The following GRIK3 variants were observed in gnomAD, a reference collection of about 807,000 sequenced individuals.
GRIK3 encodes glutamate ionotropic receptor kainate type subunit 3, also known as glutamate receptor ionotropic, kainate 3.
GRIK3 carries 29 observed loss-of-function variants against 102.5 expected under a neutral mutation model. The observed-to-expected ratio is 0.28, with a 90% CI of 0.21 to 0.39. GRIK3 has a LOEUF of 0.39. GRIK3 is among the 10% of genes least tolerant of loss of function. The probability of loss-of-function intolerance (pLI) is 1.00; values close to 1 mark genes in which losing one functional copy is unlikely to be tolerated. For missense variants in GRIK3, 908 were observed against 1,252.4 expected (o/e 0.73, Z 4.15); for synonymous variants, 511 against 504.9 (o/e 1.01, Z -0.16).
At chr1:37,012,148 G>A (rs974782086) in intron 1 of GRIK3, among the ~76,000 whole-genome samples, 2 of 152,236 alleles carry the variant, frequency 1.3e-5, no homozygotes, top group African/African-American at 4.8e-5. Context: ...TCCTTCCTTT[G>A]TGTGGGAACG....
chr1:36,804,387 T>C (rs1642475325), intron 15 of GRIK3, among the ~76,000 whole-genome samples: 1 of 152,152 alleles, frequency 6.6e-6, no homozygotes, highest in Non-Finnish European at 1.5e-5. Flanking sequence ...TCCAGGGCAT[T>C]AGCACTTGAA....
chr1:36,914,982 T>C (rs1641383105), intron 1 of GRIK3, among the ~76,000 whole-genome samples: 1 of 152,204 alleles, frequency 6.6e-6, no homozygotes, highest in Admixed American at 6.5e-5. Context: ...GATTCTGACT[T>C]AATTATTATC....
At chr1:36,917,246 G>T (rs1641411755) in intron 1 of GRIK3, among the ~76,000 whole-genome samples, 1 of 152,156 alleles carries the variant, frequency 6.6e-6, no homozygotes, top group African/African-American at 2.4e-5. Flanking sequence ...TGCCTGTAAT[G>T]CCATTTTATC....
At chr1:36,990,787 T>C (rs537020300) in intron 1 of GRIK3, among the ~76,000 whole-genome samples, 1 of 152,134 alleles carries the variant, frequency 6.6e-6, no homozygotes, top group East Asian at 1.9e-4. Context: ...CCCTGGGAGT[T>C]GGTGGCCAGA....
chr1:37,002,752 C>T (rs757055858), intron 1 of GRIK3, among the ~76,000 whole-genome samples: 1 of 149,556 alleles, frequency 6.7e-6, no homozygotes, highest in Non-Finnish European at 1.5e-5. Context: ...AATCTTGGCT[C>T]ACTGCAACCT....
At chr1:36,973,253 G>T (rs939662150) in intron 1 of GRIK3, among the ~76,000 whole-genome samples, 1 of 152,140 alleles carries the variant, frequency 6.6e-6, no homozygotes, top group South Asian at 2.1e-4. Context: ...CCTCCTCCCT[G>T]CGTTGGCGGC....
chr1:36,988,562 A>T (rs1642330546), intron 1 of GRIK3, among the ~76,000 whole-genome samples: 1 of 152,276 alleles, frequency 6.6e-6, no homozygotes. Flanking sequence ...ATGTGCCCAG[A>T]GTTCCTGTAA....
rs1642441067 is a variant in GRIK3 at position 36,801,655 on chromosome 1, G to A, written c.*196C>T. 2.1e-6 allele frequency: 1 copy of A among 482,308 alleles called. No homozygotes were observed. Among genetic ancestry groups the A allele is most frequent in the Admixed American group, 3.8e-5 (1 of 26,232 alleles). 29.9% of individuals were successfully genotyped at this position (482,308 alleles called of 1,614,324 possible). A position where few individuals can be genotyped will look rare whatever the true frequency, so the allele number is the denominator to read the frequency against. On this transcript the variant is annotated 3_prime_UTR_variant, in exon 16 of 16. Coordinates refer to ENST00000373091, the MANE Select transcript of GRIK3 (RefSeq NM_000831.4). ...AGCTTTAGAAACCCACAGAAGATCT[G>A]AGGAGGATGAAGCCCAAGCAGCTGG...
At chr1:36,871,269 C>T (rs191520632) in intron 4 of GRIK3, among the ~76,000 whole-genome samples, 1 of 152,248 alleles carries the variant, frequency 6.6e-6, no homozygotes, top group East Asian at 1.9e-4. Context: ...TGTGAGGAGC[C>T]AGGGATAGAG....
chr1:36,987,047 C>G (rs1196760431), intron 1 of GRIK3, among the ~76,000 whole-genome samples: 1 of 152,226 alleles, frequency 6.6e-6, no homozygotes, highest in African/African-American at 2.4e-5. Context: ...CCCTGGCTGG[C>G]TGAGCACTCC....
At chr1:37,005,235 T>A (rs917326984) in intron 1 of GRIK3, among the ~76,000 whole-genome samples, 4 of 152,140 alleles carry the variant, frequency 2.6e-5, no homozygotes, top group Non-Finnish European at 5.9e-5. Flanking sequence ...TCTTTGGACA[T>A]CATAATCTGT....
At chr1:36,834,184 C>G (rs892318752) in intron 10 of GRIK3, among the ~76,000 whole-genome samples, 1 of 152,160 alleles carries the variant, frequency 6.6e-6, no homozygotes, top group Non-Finnish European at 1.5e-5. Flanking sequence ...ACTGCTGTGT[C>G]CACGGCTGCT....
At chr1:36,828,993 T>C (rs1642784708) in intron 10 of GRIK3, among the ~76,000 whole-genome samples, 1 of 152,092 alleles carries the variant, frequency 6.6e-6, no homozygotes. Context: ...TTTAATGGGG[T>C]CAGGAGACCA....
chr1:36,980,453 C>T (rs574492474), intron 1 of GRIK3, among the ~76,000 whole-genome samples: 26 of 151,784 alleles, frequency 1.7e-4, no homozygotes, highest in African/African-American at 6.3e-4. Flanking sequence ...CTCCCTCCTC[C>T]TTTTGTGGTG....
chr1:36,835,119 C>T (rs1307981141), intron 10 of GRIK3, among the ~76,000 whole-genome samples: 5 of 152,240 alleles, frequency 3.3e-5, no homozygotes, highest in Non-Finnish European at 5.9e-5. Context: ...GTCACCCTCA[C>T]TCCCTAGTCA....
intron 1 of GRIK3, among the ~76,000 whole-genome samples, chr1:37,031,503 C>G (rs1027587059): frequency 6.6e-6 from 1 of 152,242 alleles, no homozygotes; most frequent in Non-Finnish European, 1.5e-5. Context: ...GGGGTGGGTA[C>G]GATGCTCCTC....
intron 1 of GRIK3, among the ~76,000 whole-genome samples, chr1:36,969,885 A>G (rs546785928): frequency 1.2e-4 from 18 of 152,382 alleles, no homozygotes; most frequent in Non-Finnish European, 2.5e-4. Context: ...ATGTGATGTA[A>G]GAACAATTCA....
chr1:36,813,271 T>C (rs1642583029), intron 13 of GRIK3, among the ~76,000 whole-genome samples: 4 of 152,206 alleles, frequency 2.6e-5, no homozygotes. Context: ...GGGCTGTTAT[T>C]GAGGATGTTA....
rs546056904 is a variant in GRIK3, at chr1:36,798,561, A to C, written c.*3290T>G. The C allele has an allele frequency of 6.6e-6, 1 of 152,392 alleles. No homozygotes were observed. Among genetic ancestry groups the C allele is most frequent in the African/African-American group, 2.4e-5 (1 of 41,554 alleles). 9.4% of individuals were successfully genotyped at this position (152,392 alleles called of 1,614,324 possible). On this transcript the variant is annotated 3_prime_UTR_variant, in exon 16 of 16. Coordinates refer to ENST00000373091, the MANE Select transcript of GRIK3 (RefSeq NM_000831.4). ...AGACCTAAACTTAAAAAAACACAAGATCTGCCTCACTGAAAACACCTCCCC... is the reference window on the plus strand; with the variant it reads ...AGACCTAAACTTAAAAAAACACAAGCTCTGCCTCACTGAAAACACCTCCCC...
Sources: gnomAD v4.1 joint callset for allele counts (sites outside exome capture counted in the v4.1 genomes callset) on GRCh38, gnomAD v4.1.1 for gene constraint, MANE v1.5 for transcripts, NCBI Gene and HGNC (gene_info 2026-07-23, HGNC 2026-07-21) for gene names.